Variants in IMMP2L observed in about 807,000 individuals in gnomAD.
IMMP2L encodes the protein inner mitochondrial membrane peptidase subunit 2, also known as mitochondrial inner membrane protease subunit 2.
Under a neutral mutation model 19.3 loss-of-function variants are expected in IMMP2L, and 18 were observed. The ratio of observed to expected loss-of-function variants is 0.93; its 90% CI spans 0.64 to 1.38. IMMP2L has a LOEUF of 1.38. IMMP2L is among the 40% of genes most tolerant of loss of function. The pLI is 0.00. For missense variants in IMMP2L, 233 were observed against 218.2 expected (o/e 1.07, Z -0.43); for synonymous variants, 76 against 73.0 (o/e 1.04, Z -0.21).
intron 3 of IMMP2L, among the ~76,000 whole-genome samples, chr7:110,998,325 T>C (rs1392016660): frequency 6.6e-6 from 1 of 152,282 alleles, no homozygotes; most frequent in South Asian, 2.1e-4. Context: ...ATTTCTATCA[T>C]AGTCATTATA....
chr7:111,289,717 G>A (rs561338354), intron 3 of IMMP2L, among the ~76,000 whole-genome samples: 1 of 152,102 alleles, frequency 6.6e-6, no homozygotes, highest in South Asian at 2.1e-4. Flanking sequence ...TGTTTTTTAA[G>A]ATGGAGTCTC....
chr7:110,843,925 G>T lies in IMMP2L; in HGVS notation c.408+42668C>A, dbSNP rs188864681. The stretch of plus-strand genomic sequence containing the variant: ...GGCAGGGCACATGAGTGAAAGGGCA[G>T]GAGAGATCTCTGGGATAGGAGGAAG... On this transcript the variant is annotated intron_variant, in intron 5 of 5. Coordinates refer to ENST00000405709, the MANE Select transcript of IMMP2L (RefSeq NM_032549.4). Among the ~76,000 whole-genome samples the T allele has an allele frequency of 3.0e-3, 455 of 152,242 alleles. 3 individuals carry two copies. The highest frequency in any genetic ancestry group is 0.01 in the African/African-American group (435 of 41,554).
At chr7:110,969,017 G>C (rs1216670283) in intron 3 of IMMP2L, among the ~76,000 whole-genome samples, 1 of 151,958 alleles carries the variant, frequency 6.6e-6, no homozygotes, top group African/African-American at 2.4e-5. Flanking sequence ...TCTTTCATGG[G>C]AGAACAAGAA....
intron 3 of IMMP2L, among the ~76,000 whole-genome samples, chr7:111,272,034 C>G (rs564961444): frequency 3.3e-5 from 5 of 152,202 alleles, no homozygotes; most frequent in African/African-American, 1.2e-4. Context: ...TACTTTTTCC[C>G]CACCCGATCT....
At chr7:111,038,320 G>T (rs1791550890) in intron 3 of IMMP2L, among the ~76,000 whole-genome samples, 1 of 152,126 alleles carries the variant, frequency 6.6e-6, no homozygotes, top group African/African-American at 2.4e-5. Flanking sequence ...TTAATTGGAA[G>T]CACAGTGGAA....
intron 5 of IMMP2L, among the ~76,000 whole-genome samples, chr7:110,867,810 G>T (rs553322839): frequency 6.6e-6 from 1 of 152,030 alleles, no homozygotes; most frequent in African/African-American, 2.4e-5. Flanking sequence ...TCAAAAATAA[G>T]CATGACTACA....
At chr7:111,028,440 G>T (rs567823380) in intron 3 of IMMP2L, among the ~76,000 whole-genome samples, 1 of 152,158 alleles carries the variant, frequency 6.6e-6, no homozygotes, top group South Asian at 2.1e-4. Flanking sequence ...TCAGCATAGG[G>T]AAATCTCATT....
At chr7:111,042,250 G>A (rs1014382446) in intron 3 of IMMP2L, among the ~76,000 whole-genome samples, 1 of 152,114 alleles carries the variant, frequency 6.6e-6, no homozygotes, top group Non-Finnish European at 1.5e-5. Context: ...CACAATCCGG[G>A]CTCACTGAAA....
At chr7:111,098,218 CAT>C (rs1297272343) in intron 3 of IMMP2L, among the ~76,000 whole-genome samples, 4 of 151,776 alleles carry the variant, frequency 2.6e-5, no homozygotes, top group African/African-American at 4.8e-5. Context: ...TTACCAAACA[CAT>C]AGTTTATATT....
intron 4 of IMMP2L, among the ~76,000 whole-genome samples, chr7:110,920,843 C>T (rs1814196267): frequency 6.6e-6 from 1 of 152,122 alleles, no homozygotes; most frequent in Non-Finnish European, 1.5e-5. Context: ...TTCGCATACA[C>T]CTTTCACCCA....
chr7:110,825,155 A>G (rs1482643505), intron 5 of IMMP2L, among the ~76,000 whole-genome samples: 1 of 152,132 alleles, frequency 6.6e-6, no homozygotes, highest in Non-Finnish European at 1.5e-5. Flanking sequence ...CCTCAAGGAG[A>G]ACTAAAAACC....
intron 4 of IMMP2L, among the ~76,000 whole-genome samples, chr7:110,961,941 A>C (rs185319479): frequency 6.6e-6 from 1 of 151,948 alleles, no homozygotes; most frequent in Non-Finnish European, 1.5e-5. Flanking sequence ...AATGGACAAG[A>C]GAGAACTTTT....
chr7:110,822,033 C>A (rs1803081899), intron 5 of IMMP2L, among the ~76,000 whole-genome samples: 1 of 152,084 alleles, frequency 6.6e-6, no homozygotes, highest in South Asian at 2.1e-4. Context: ...TAGCACTCTC[C>A]AATCTTTTCT....
chr7:111,501,635 C>G (rs1351793857), intron 2 of IMMP2L, among the ~76,000 whole-genome samples: 1 of 152,160 alleles, frequency 6.6e-6, no homozygotes, highest in East Asian at 1.9e-4. Flanking sequence ...TCAGCAGAAA[C>G]TCTACAAGCC....
At chr7:111,127,379 A>T (rs1586464007) in intron 3 of IMMP2L, among the ~76,000 whole-genome samples, 1 of 152,324 alleles carries the variant, frequency 6.6e-6, no homozygotes, top group Admixed American at 6.5e-5. Flanking sequence ...TTACAAACAT[A>T]TCATAGCACT....
chr7:111,535,200 T>C (rs990351285), intron 1 of IMMP2L, among the ~76,000 whole-genome samples: 3 of 152,114 alleles, frequency 2.0e-5, no homozygotes, highest in African/African-American at 7.2e-5. Flanking sequence ...AATGCATGTA[T>C]GTCATTAATA....
At chr7:111,317,363 A>C (rs1293049909) in intron 3 of IMMP2L, among the ~76,000 whole-genome samples, 1 of 152,180 alleles carries the variant, frequency 6.6e-6, no homozygotes, top group Non-Finnish European at 1.5e-5. Flanking sequence ...CATAATGTAG[A>C]AACAAAGGAT....
In IMMP2L at chr7:110,879,119, C is replaced by T. The variant is rs544931141; in HGVS notation, c.408+7474G>A. Among the ~76,000 whole-genome samples the T allele has an allele frequency of 8.1e-4, 123 of 152,128 alleles. 1 individual carries two copies. Among genetic ancestry groups the T allele is most frequent in the African/African-American group, 2.9e-3 (119 of 41,524 alleles). ...GAGAAACAGTCTGTTATAGCAGGCGCGGTGGCTCATAGTATAATCCCAGCA... is the reference window on the plus strand; with the variant it reads ...GAGAAACAGTCTGTTATAGCAGGCGTGGTGGCTCATAGTATAATCCCAGCA... On this transcript the variant is annotated intron_variant, in intron 5 of 5. Coordinates refer to ENST00000405709, the MANE Select transcript of IMMP2L (RefSeq NM_032549.4).
At chr7:111,413,488 T>TAA (rs56071711) in intron 3 of IMMP2L, among the ~76,000 whole-genome samples, 21 of 148,062 alleles carry the variant, frequency 1.4e-4, no homozygotes, top group Admixed American at 2.7e-4. Flanking sequence ...CCCAGCAATA[T>TAA]AAAAAAAAAA....
Sources: gnomAD v4.1 joint callset for allele counts (sites outside exome capture counted in the v4.1 genomes callset) on GRCh38, gnomAD v4.1.1 for gene constraint, MANE v1.5 for transcripts, NCBI Gene and HGNC (gene_info 2026-07-23, HGNC 2026-07-21) for gene names.